Variants in GCNT2 observed in about 807,000 individuals in gnomAD.
GCNT2 encodes glucosaminyl (N-acetyl) transferase 2 (I blood group), also known as N-acetyllactosaminide beta-1,6-N-acetylglucosaminyl-transferase.
Under a neutral mutation model 34.2 loss-of-function variants are expected in GCNT2, and 34 were observed. The observed-to-expected ratio is 1.00, with a 90% CI of 0.76 to 1.32. The LOEUF (loss-of-function observed/expected upper bound fraction) is 1.32, where lower values mean the gene tolerates loss of function less well. Ranked by LOEUF, GCNT2 falls within the 40% of genes most tolerant of loss-of-function variation. GCNT2 has a pLI of 0.00. For synonymous variants in GCNT2, 212 were observed against 188.0 expected, an observed-to-expected ratio of 1.13 and a Z score of -1.04; for missense variants, 584 against 489.4, an observed-to-expected ratio of 1.19 and a Z score of -1.82.
chr6:10,557,454 A>G, intron 3 of GCNT2: 1 of 840,664 alleles, frequency 1.2e-6, no homozygotes, highest in Non-Finnish European at 2.0e-6. Flanking sequence ...GAACATATAT[A>G]GTTCTCACCC....
At chr6:10,601,063 A>T (rs1331613842) in intron 3 of GCNT2, among the ~76,000 whole-genome samples, 1 of 152,180 alleles carries the variant, frequency 6.6e-6, no homozygotes, top group African/African-American at 2.4e-5. Context: ...AAGTGCTGGG[A>T]TTACAGGCAT....
chr6:10,557,625 C>A (rs557115679), intron 3 of GCNT2, among the ~76,000 whole-genome samples: 1 of 152,030 alleles, frequency 6.6e-6, no homozygotes, highest in South Asian at 2.1e-4. Context: ...GTAGCTGGGA[C>A]TACAGGTGCA....
At chr6:10,586,604 G>A (rs201399458) in intron 3 of GCNT2, 18 of 1,614,052 alleles carry the variant, frequency 1.1e-5, no homozygotes, top group South Asian at 1.1e-4. Context: ...AGATAGTTCA[G>A]CATCTGAAAG....
At position 10,572,242 on chromosome 6, in the gene GCNT2, G is replaced by GA. The variant is rs200299970; in HGVS notation, c.925+42414dup. ...CAGAACTGCACTGATCAATAACCTG[G>GA]AAAAAAAATGATCCTTGAAACCACT... On this transcript the variant is annotated intron_variant, in intron 3 of 4. Transcript: ENST00000495262. Among the ~76,000 whole-genome samples the GA allele has an allele frequency of 7.3e-3, 1,109 of 151,736 alleles. 16 individuals are homozygous for GA. Among genetic ancestry groups the GA allele is most frequent in the African/African-American group, 0.025 (1,043 of 41,378 alleles).
chr6:10,569,853 T>TTCTTTCTCTTTCTTTCTTTCTTTC (rs1763465771), intron 3 of GCNT2, among the ~76,000 whole-genome samples: 5 of 138,118 alleles, frequency 3.6e-5, no homozygotes, highest in South Asian at 2.3e-4. Context: ...TCCTTTCTCT[T>TTCTTTCTCTTTCTTTCTTTCTTTC]TCTTTCTCTT....
chr6:10,585,290 C>T (rs1453091518), intron 3 of GCNT2, among the ~76,000 whole-genome samples: 1 of 151,952 alleles, frequency 6.6e-6, no homozygotes, highest in Non-Finnish European at 1.5e-5. Context: ...AGCAATCCTC[C>T]CGCCTCAACC....
intron 3 of GCNT2, chr6:10,557,489 TGTTC>T (rs377384748): frequency 1.2e-5 from 8 of 675,768 alleles, no homozygotes; most frequent in Middle Eastern, 5.6e-4. Context: ...TGCAGAAAGA[TGTTC>T]TTTTTTTTTT....
At chr6:10,556,152 C>CA in intron 3 of GCNT2, 1 of 1,341,692 alleles carries the variant, frequency 7.5e-7, no homozygotes, top group East Asian at 3.2e-5. Flanking sequence ...AACGGGGAGG[C>CA]AGAGGGAGGA....
At chr6:10,531,532 T>A (rs1037656586) in intron 3 of GCNT2, among the ~76,000 whole-genome samples, 17 of 152,248 alleles carry the variant, frequency 1.1e-4, no homozygotes, top group African/African-American at 4.1e-4. Context: ...GATTCTCATG[T>A]ACAGCCAGGG....
chr6:10,588,159 G>A (rs752396174), intron 3 of GCNT2, among the ~76,000 whole-genome samples: 10 of 152,174 alleles, frequency 6.6e-5, no homozygotes, highest in East Asian at 1.9e-4. Context: ...GGCTGGAGAC[G>A]AGAGAATTAT....
chr6:10,611,972 TG>T (rs1765578980), intron 3 of GCNT2, among the ~76,000 whole-genome samples: 1 of 152,014 alleles, frequency 6.6e-6, no homozygotes, highest in Admixed American at 6.6e-5. Context: ...CTGGTGTTTT[TG>T]TGGGGTTTTT....
At chr6:10,573,168 G>GATC (rs3064209) in intron 3 of GCNT2, 481,109 of 974,626 alleles carry the variant, frequency 0.49, 120,057 homozygotes, top group East Asian at 0.64. Flanking sequence ...TCTAGATATG[G>GATC]ATCTCTGGCA....
chr6:10,530,595 G>A (rs753094667), intron 3 of GCNT2, among the ~76,000 whole-genome samples: 1 of 152,204 alleles, frequency 6.6e-6, no homozygotes, highest in Non-Finnish European at 1.5e-5. Context: ...GCATGGCCAG[G>A]CATGGTGGCT....
chr6:10,552,211 C>CT (rs1284863325), intron 3 of GCNT2, among the ~76,000 whole-genome samples: 1 of 151,570 alleles, frequency 6.6e-6, no homozygotes, highest in Admixed American at 6.6e-5. Context: ...CAGAGAATGT[C>CT]TTTGTTACGG....
At chr6:10,555,458 G>C (rs1036804358) in intron 3 of GCNT2, among the ~76,000 whole-genome samples, 49 of 152,188 alleles carry the variant, frequency 3.2e-4, no homozygotes, top group African/African-American at 1.2e-3. Context: ...CCGTTCTCTG[G>C]GGGGGTTAAA....
chr6:10,529,766 C>G lies in GCNT2; in HGVS notation c.855C>G (p.Asp285Glu), dbSNP rs779063703. ...NFVLQDQLAL[D>E]LLSWSKDTYS... is the part of the protein sequence containing the mutation. Reference sequence around the variant, plus strand: ...TCCTCCAAGACCAGCTCGCACTTGACTTACTCTCCTGGTCCAAGGACACCT... The same window carrying G: ...TCCTCCAAGACCAGCTCGCACTTGAGTTACTCTCCTGGTCCAAGGACACCT... Residue 285 changes from aspartate (D) to glutamate (E), a missense_variant, in exon 3 of 5, where the codon GAC (aspartate) becomes GAG (glutamate). Coordinates refer to ENST00000495262, the MANE Select transcript of GCNT2 (RefSeq NM_145649.5). 5 of 1,614,058 alleles carry G rather than the reference C, an allele frequency of 3.1e-6. No homozygotes were observed. The highest frequency in any genetic ancestry group is 1.3e-5 in the African/African-American group (1 of 74,928).
At chr6:10,523,350 C>T (rs1243207910) in intron 1 of GCNT2, among the ~76,000 whole-genome samples, 6 of 150,468 alleles carry the variant, frequency 4.0e-5, no homozygotes, top group Non-Finnish European at 8.9e-5. Flanking sequence ...TGCTTAAACC[C>T]GGGAGGCAGA....
chr6:10,534,119 A>G (rs1470084652), intron 3 of GCNT2, among the ~76,000 whole-genome samples: 2 of 120,738 alleles, frequency 1.7e-5, no homozygotes, highest in Non-Finnish European at 3.6e-5. Context: ...TTCCCCTGGT[A>G]TCTGCCAGAT....
chr6:10,612,619 G>C (rs541421162), intron 3 of GCNT2, among the ~76,000 whole-genome samples: 29 of 152,308 alleles, frequency 1.9e-4, no homozygotes, highest in Admixed American at 1.7e-3. Flanking sequence ...CATGTATTTA[G>C]TGGTTATGTA....
Sources: allele counts gnomAD v4.1 joint callset (sites outside exome capture counted in the v4.1 genomes callset), GRCh38; gene constraint gnomAD v4.1.1; transcripts MANE v1.5; gene names NCBI Gene and HGNC (gene_info 2026-07-23, HGNC 2026-07-21).